Variants in NLRP4 observed in about 807,000 individuals in gnomAD.
The protein encoded by NLRP4 is NLR family pyrin domain containing 4, also known as NACHT, LRR and PYD domains-containing protein 4.
NLRP4 carries 44 observed loss-of-function variants against 84.7 expected under a neutral mutation model. The ratio of observed to expected loss-of-function variants is 0.52; its 90% CI spans 0.41 to 0.67. The LOEUF (loss-of-function observed/expected upper bound fraction) is 0.67. NLRP4 is among the 30% of genes least tolerant of loss of function. NLRP4 has a pLI of 0.00. For synonymous variants in NLRP4, 544 were observed against 476.4 expected (o/e 1.14, Z -1.85); for missense variants, 1,260 against 1,219.4 (o/e 1.03, Z -0.50).
Position 55,878,850 on chromosome 19 carries a change from C to T in NLRP4, c.2753C>T (p.Thr918Ile), listed in dbSNP as rs1985476360. ...TCCKDLASVL[T>I]CSKTLQQLNL... ...TGTAAGGATCTCGCGTCTGTTCTCA[C>T]CTGCAGTAAGACCCTGCAGCAGCTC... The change falls in exon 9 of 10, where the codon ACC becomes ATC. Residue 918 changes from threonine (T) to isoleucine (I), a missense_variant. Physicochemically the swap from Thr to Ile is moderately conservative, Grantham distance 89. This residue lies in a region of NLRP4 where 544 missense variants were observed against 531.7 expected (regional missense o/e 1.02). Transcript: ENST00000301295. The T allele has an allele frequency of 6.2e-7, 1 of 1,613,884 alleles. No homozygotes were observed. The highest frequency in any genetic ancestry group is 8.5e-7 in the Non-Finnish European group (1 of 1,179,822).
At chr19:55,871,065 G>C in intron 7 of NLRP4, 68 bp downstream of exon 7, 1 of 1,389,078 alleles carries the variant, frequency 7.2e-7, no homozygotes, top group South Asian at 1.2e-5. Context: ...TGAGAATGGG[G>C]CATCTGGAAT....
In NLRP4 at chr19:55,878,963, G is replaced by T; in HGVS notation, c.2866G>T (p.Gly956Trp). 1 of 1,611,484 alleles carries T rather than the reference G, an allele frequency of 6.2e-7. No individual in the cohort carries two copies. Among genetic ancestry groups the T allele is most frequent in the Non-Finnish European group, 8.5e-7 (1 of 1,178,128 alleles). ...RHPECALQVL[G>W]LRKTDFDEET... is the part of the protein sequence containing the mutation. ...CCCAGAGTGTGCCCTGCAGGTGCTCGGGTGAGCTGGGGTCTGTTGTGCTCT... is the reference window on the plus strand; with the variant it reads ...CCCAGAGTGTGCCCTGCAGGTGCTCTGGTGAGCTGGGGTCTGTTGTGCTCT... Residue 956 changes from glycine to tryptophan, a missense_variant and splice_region_variant, in exon 9 of 10, where the codon GGG becomes TGG. Gly to Trp is a radical substitution (Grantham distance 184). Coordinates refer to ENST00000301295, the MANE Select transcript of NLRP4 (RefSeq NM_134444.5).
chr19:55,849,106 A>G (rs572064762), intron 1 of NLRP4, among the ~76,000 whole-genome samples: 1 of 152,120 alleles, frequency 6.6e-6, no homozygotes, highest in Non-Finnish European at 1.5e-5. Flanking sequence ...AATACACCAC[A>G]CTTAAGAGGT....
At chr19:55,854,252 A>T (rs1050811496) in intron 2 of NLRP4, among the ~76,000 whole-genome samples, 1 of 152,254 alleles carries the variant, frequency 6.6e-6, no homozygotes, top group Middle Eastern at 3.4e-3. Flanking sequence ...GATTACAGGC[A>T]TGAGCCACCA....
At chr19:55,859,444 G>C (rs1984629996) in intron 3 of NLRP4, among the ~76,000 whole-genome samples, 195 bp downstream of exon 3, 1 of 152,200 alleles carries the variant, frequency 6.6e-6, no homozygotes, top group Non-Finnish European at 1.5e-5. Context: ...TTTTGTGGCT[G>C]CAGTGGCCCC....
chr19:55,851,113 GGC>G, intron 1 of NLRP4, among the ~76,000 whole-genome samples: 1 of 114,472 alleles, frequency 8.7e-6, no homozygotes. Flanking sequence ...TAATGTCCGT[GGC>G]TGCGGTGTAA....
At chr19:55,850,171 G>A (rs368769757) in intron 1 of NLRP4, among the ~76,000 whole-genome samples, 30 of 134,768 alleles carry the variant, frequency 2.2e-4, no homozygotes, top group Admixed American at 1.9e-3. Flanking sequence ...TGTAATTTCC[G>A]TGGCTGCGGT....
At chr19:55,880,348 T>A (rs1394540482) in intron 9 of NLRP4, among the ~76,000 whole-genome samples, 1 of 152,218 alleles carries the variant, frequency 6.6e-6, no homozygotes, top group African/African-American at 2.4e-5. Flanking sequence ...GGACTCAAAT[T>A]GTCTGCATTC....
chr19:55,876,789 G>A (rs917719047), intron 7 of NLRP4, among the ~76,000 whole-genome samples: 2 of 151,924 alleles, frequency 1.3e-5, no homozygotes, highest in South Asian at 2.1e-4. Context: ...TGGTTTTTTC[G>A]TTTGTATTTT....
intron 5 of NLRP4, among the ~76,000 whole-genome samples, chr19:55,865,578 A>C (rs1421150664): frequency 6.6e-6 from 1 of 152,212 alleles, no homozygotes; most frequent in Non-Finnish European, 1.5e-5. Flanking sequence ...TTACATTCCT[A>C]CAAAAATGTG....
In NLRP4 at chr19:55,881,596, A is replaced by T; in HGVS notation, c.*9A>T. 7.2e-7 allele frequency: 1 copy of T among 1,384,838 alleles called. No homozygotes were observed. The highest frequency in any genetic ancestry group is 1.0e-6 in the Non-Finnish European group (1 of 975,154). 85.8% of individuals were successfully genotyped at this position (1,384,838 alleles called of 1,614,324 possible). On this transcript the variant is annotated 3_prime_UTR_variant, in exon 10 of 10. Coordinates refer to ENST00000301295, the MANE Select transcript of NLRP4 (RefSeq NM_134444.5). ...CAAGGGTAGAGATCTGATTGCGAGG[A>T]ACCTGGGCTCTGACTCGAACACCTG... is the stretch of plus-strand genomic sequence containing the variant.
intron 7 of NLRP4, 120 bp downstream of exon 7, chr19:55,871,117 TA>T (rs979913179): frequency 1.2e-4 from 94 of 788,388 alleles, no homozygotes; most frequent in Non-Finnish European, 1.7e-4. Context: ...TGTGAAGGTT[TA>T]AAAAATACTT....
rs1445019663 is a variant in NLRP4 at position 55,850,038 on chromosome 19, C to T, written c.-65-1978C>T. Among the ~76,000 whole-genome samples the T allele has an allele frequency of 2.8e-5, 4 of 140,596 alleles. 1 individual carries two copies. The highest frequency in any genetic ancestry group is 5.8e-5 in the African/African-American group (2 of 34,420). The allele number at this position is 140,596 out of a possible 152,430, so 92.2% of individuals were successfully genotyped here. A position where few individuals can be genotyped will look rare whatever the true frequency, so the allele number is the denominator to read the frequency against. On this transcript the variant is annotated intron_variant, in intron 1 of 9. Transcript: ENST00000301295. ...GACTGCGGTGTGATTTCCGAGACTG[C>T]GGTGTGATTTCCGTAGCTGCGGTGG...
intron 1 of NLRP4, among the ~76,000 whole-genome samples, chr19:55,850,073 GA>G (rs1195285414): frequency 6.5e-5 from 8 of 123,748 alleles, no homozygotes; most frequent in African/African-American, 2.2e-4. Flanking sequence ...GAATTTCCGA[GA>G]CTGCGGTGTA....
chr19:55,836,615 T>G lies in NLRP4; in HGVS notation c.-385T>G, dbSNP rs141250287. The G allele has an allele frequency of 6.6e-6, 1 of 152,626 alleles. No homozygotes were observed. Among genetic ancestry groups the G allele is most frequent in the African/African-American group, 2.4e-5 (1 of 41,462 alleles). 9.5% of individuals were successfully genotyped at this position (152,626 alleles called of 1,614,324 possible). On this transcript the variant is annotated 5_prime_UTR_variant, in exon 1 of 10. Coordinates refer to ENST00000301295, the MANE Select transcript of NLRP4 (RefSeq NM_134444.5). ...TCGTCTCTTCTATGTGCTGATTTCC[T>G]GGGTTACTTTGGGTCTTCCTTTTCT...
At chr19:55,846,594 G>T (rs888062614) in intron 1 of NLRP4, among the ~76,000 whole-genome samples, 2 of 152,078 alleles carry the variant, frequency 1.3e-5, no homozygotes, top group African/African-American at 4.8e-5. Flanking sequence ...ATATATAACT[G>T]ATATTATATA....
At chr19:55,863,835 T>C (rs1984855184) in intron 5 of NLRP4, among the ~76,000 whole-genome samples, 1 of 152,182 alleles carries the variant, frequency 6.6e-6, no homozygotes, top group Non-Finnish European at 1.5e-5. Flanking sequence ...ATGTTTTAAT[T>C]CAAGCATTTT....
At chr19:55,873,000 T>TATTC (rs1985245455) in intron 7 of NLRP4, among the ~76,000 whole-genome samples, 1 of 152,146 alleles carries the variant, frequency 6.6e-6, no homozygotes, top group South Asian at 2.1e-4. Flanking sequence ...TACAGTGAGA[T>TATTC]ATTCAGTATG....
In NLRP4 at chr19:55,861,349, G is replaced by A. The variant is rs112454357; in HGVS notation, c.1857-37G>A. ...GTGTTACAAGTGGCTCGTGTTGACC[G>A]CCTGCCTGTGGAAAGCTCGTCCTTT... On this transcript the variant is annotated intron_variant, in intron 3 of 9. Transcript: ENST00000301295. 1.2e-4 allele frequency: 197 copies of A among 1,598,344 alleles called. No individual in the cohort carries two copies. In the East Asian group the frequency reaches 3.8e-3, roughly 31 times the overall value.
Sources: allele counts gnomAD v4.1 joint callset (sites outside exome capture counted in the v4.1 genomes callset), GRCh38; gene constraint gnomAD v4.1.1; regional missense constraint gnomAD v4.1.1; transcripts MANE v1.5; gene names NCBI Gene and HGNC (gene_info 2026-07-23, HGNC 2026-07-21).